The following CLTRN variants were observed in gnomAD, a reference collection of about 807,000 sequenced individuals.
The protein encoded by CLTRN is collectrin, amino acid transport regulator, also known as collectrin.
A neutral mutation model predicts 14.5 loss-of-function variants in CLTRN; 12 were observed. The ratio of observed to expected loss-of-function variants is 0.83; its 90% CI spans 0.53 to 1.34. CLTRN has a LOEUF of 1.34. CLTRN is among the 40% of genes most tolerant of loss of function. The pLI is 0.00. For missense variants in CLTRN, 154 were observed against 165.1 expected (o/e 0.93, Z 0.37); for synonymous variants, 58 against 56.5 (o/e 1.03, Z -0.12).
chrX:15,646,463 C>CCCCCCCCCCCCCAA, intron 3 of CLTRN: 1 of 186,396 alleles, frequency 5.4e-6, no homozygotes, highest in Non-Finnish European at 9.6e-6. Flanking sequence ...CGCGCACCCA[C>CCCCCCCCCCCCCAA]CCCCCCGCCC....
intron 1 of CLTRN, among the ~76,000 whole-genome samples, chrX:15,672,915 G>A (rs1309425618): frequency 8.9e-6 from 1 of 112,093 alleles, no homozygotes; most frequent in Admixed American, 9.4e-5. Context: ...GCCATTATGG[G>A]GAAAGATTAT....
chrX:15,642,441 C>G (rs1157519216), intron 4 of CLTRN, among the ~76,000 whole-genome samples: 1 of 112,404 alleles, frequency 8.9e-6, no homozygotes, highest in African/African-American at 3.2e-5. Flanking sequence ...TTGCCCATTT[C>G]AATTATTTTA....
At chrX:15,658,851 T>C (rs1296721595) in intron 3 of CLTRN, among the ~76,000 whole-genome samples, 165 bp downstream of exon 3, 1 of 110,754 alleles carries the variant, frequency 9.0e-6, no homozygotes, top group African/African-American at 3.3e-5. Flanking sequence ...TGATATAAAC[T>C]GTAAGATGAG....
At chrX:15,630,420 T>C (rs1190309314) in intron 5 of CLTRN, among the ~76,000 whole-genome samples, 1 of 107,076 alleles carries the variant, frequency 9.3e-6, no homozygotes, top group Admixed American at 1.0e-4. Flanking sequence ...AGGAAGGGAA[T>C]TTTACACACA....
At chrX:15,639,832 T>C (rs1928899557) in intron 4 of CLTRN, 76 bp from the exon 5 acceptor site, 2 of 928,021 alleles carry the variant, frequency 2.2e-6, no homozygotes, top group Admixed American at 3.1e-5. Flanking sequence ...CAAACCTGTT[T>C]CTCCATGATT....
rs751218470 is a variant in CLTRN, at chrX:15,651,302, G to A, written c.204-6273C>T. Among the ~76,000 whole-genome samples, 4 of 111,480 alleles carry A rather than the reference G, an allele frequency of 3.6e-5. 1 individual carries two copies. The highest frequency in any genetic ancestry group is 1.3e-4 in the African/African-American group (4 of 30,654). On this transcript the variant is annotated intron_variant, in intron 3 of 5. Transcript: ENST00000380342. ...AGAGTTCCTACTACAGCGGCCTTCA[G>A]ATTCCGTGCCCCATCCCATGCAGGA... is the stretch of plus-strand genomic sequence containing the variant.
rs768054047 is a variant in CLTRN at position 15,645,024 on chromosome X, G to A, written c.209C>T (p.Ser70Phe). The change falls in exon 4 of 6, where the codon TCC becomes TTC. Residue 70 changes from serine to phenylalanine, a missense_variant. Transcript: ENST00000380342. ...KVPNREATEI[S>F]HVLLCNVTQR... is the part of the protein sequence containing the mutation. ...GGTTACATTGCAAAGTAGGACATGGGAAATTCTGCAGACAGTGGAAAGAAA... is the reference window on the plus strand; with the variant it reads ...GGTTACATTGCAAAGTAGGACATGGAAAATTCTGCAGACAGTGGAAAGAAA... 2 of 1,171,425 alleles carry A rather than the reference G, an allele frequency of 1.7e-6. No individual in the cohort carries two copies. Among genetic ancestry groups the A allele is most frequent in the Admixed American group, 2.3e-5 (1 of 43,838 alleles).
At chrX:15,651,348 T>C (rs1929210759) in intron 3 of CLTRN, among the ~76,000 whole-genome samples, 1 of 111,252 alleles carries the variant, frequency 9.0e-6, no homozygotes, top group Admixed American at 9.5e-5. Context: ...GCTAAGACTC[T>C]TGAAAACCAA....
chrX:15,655,222 A>G (rs1929320844), intron 3 of CLTRN, among the ~76,000 whole-genome samples: 1 of 112,059 alleles, frequency 8.9e-6, no homozygotes, highest in South Asian at 3.7e-4. Context: ...AGGGACAGGA[A>G]AGCAAGATGA....
Position 15,628,118 on chromosome X carries a change from T to C in CLTRN, c.522A>G (p.Lys174=). 9.1e-7 allele frequency: 1 copy of C among 1,093,276 alleles called. No individual in the cohort carries two copies. The highest frequency in any genetic ancestry group is 1.2e-6 in the Non-Finnish European group (1 of 831,635). 90.1% of individuals were successfully genotyped at this position (1,093,276 alleles called of 1,213,427 possible). A position where few individuals can be genotyped will look rare whatever the true frequency, so the allele number is the denominator to read the frequency against. Residue 174 remains lysine, a synonymous_variant, in exon 6 of 6, where the codon AAA becomes AAG. Transcript: ENST00000380342. The part of the protein sequence containing the change: ...SGIWQRRRKN[K]EPSEVDDAED... The stretch of plus-strand genomic sequence containing the variant: ...CAGCGTCATCCACTTCAGATGGTTC[T>C]TTGTTCTTTCTAAAAGCACATAAAA...
chrX:15,645,060 G>A, intron 3 of CLTRN, 31 bp from the exon 4 acceptor site: 1 of 942,334 alleles, frequency 1.1e-6, no homozygotes, highest in Non-Finnish European at 1.5e-6. Flanking sequence ...AAATACATGA[G>A]AAGAATATCA....
intron 3 of CLTRN, among the ~76,000 whole-genome samples, chrX:15,647,530 T>TGG (rs1245738569): frequency 5.3e-5 from 1 of 18,906 alleles, no homozygotes; most frequent in African/African-American, 1.7e-4. Context: ...TCTTTCTTGG[T>TGG]GGGGGGGGGA....
intron 3 of CLTRN, chrX:15,646,315 C>T (rs773715583): frequency 7.7e-6 from 2 of 259,833 alleles, no homozygotes; most frequent in East Asian, 2.1e-4. Context: ...TCACTGAGCC[C>T]GGACACTATC....
At chrX:15,656,334 C>A (rs186988891) in intron 3 of CLTRN, among the ~76,000 whole-genome samples, 1 of 112,257 alleles carries the variant, frequency 8.9e-6, no homozygotes, top group African/African-American at 3.2e-5. Flanking sequence ...GTAGATATCA[C>A]CCTGGGTAAA....
Position 15,674,538 on chromosome X carries a change from A to G in CLTRN, c.-506+451T>C, listed in dbSNP as rs1186244513. Among the ~76,000 whole-genome samples the G allele has an allele frequency of 2.7e-5, 3 of 112,743 alleles. No individual in the cohort carries two copies. The East Asian group carries it at 8.3e-4, about 31-fold the overall frequency. On this transcript the variant is annotated intron_variant, in intron 1 of 6. Coordinates refer to the CLTRN transcript ENST00000650271. ...AACATTGCTCCACCACTGGCCCATCAGTTCTGTTTCCTACTCGGTTTTTGC... is the reference window on the plus strand; with the variant it reads ...AACATTGCTCCACCACTGGCCCATCGGTTCTGTTTCCTACTCGGTTTTTGC...
intron 4 of CLTRN, among the ~76,000 whole-genome samples, chrX:15,642,742 C>T (rs5935998): frequency 0.29 from 32,158 of 110,372 alleles, 3,431 homozygotes; most frequent in East Asian, 0.43. Context: ...ATCAATTAAT[C>T]TCCCTGAGCC....
intron 2 of CLTRN, among the ~76,000 whole-genome samples, chrX:15,662,445 C>G (rs1252578038): frequency 9.0e-6 from 1 of 111,534 alleles, no homozygotes; most frequent in Non-Finnish European, 1.9e-5. Flanking sequence ...TATCAGTTCC[C>G]CTCCATTCTG....
At chrX:15,675,294 A>C (rs1447123838), upstream of CLTRN, among the ~76,000 whole-genome samples, 12 of 111,962 alleles carry the variant, frequency 1.1e-4, no homozygotes, top group African/African-American at 3.9e-4. Flanking sequence ...CTGGATGATC[A>C]CTGGGCGAAG....
At chrX:15,629,408 C>A in intron 5 of CLTRN, among the ~76,000 whole-genome samples, 1 of 110,932 alleles carries the variant, frequency 9.0e-6, no homozygotes, top group East Asian at 2.8e-4. Flanking sequence ...TACCCTAGAA[C>A]TTAAAGTATA....
Sources: allele counts gnomAD v4.1 joint callset (sites outside exome capture counted in the v4.1 genomes callset), GRCh38; gene constraint gnomAD v4.1.1; transcripts MANE v1.5; gene names NCBI Gene and HGNC (gene_info 2026-07-23, HGNC 2026-07-21).